NAALADL2: variants seen among roughly 807,000 people sequenced by gnomAD.
NAALADL2 encodes the protein inactive N-acetylated-alpha-linked acidic dipeptidase-like protein 2.
In NAALADL2, 76 loss-of-function variants were observed where a neutral mutation model predicts 87.2. The ratio of observed to expected loss-of-function variants is 0.87; its 90% CI spans 0.72 to 1.05. The LOEUF (loss-of-function observed/expected upper bound fraction) is 1.05. NAALADL2 is among the 50% of genes least tolerant of loss of function. NAALADL2 has a pLI of 0.00. For synonymous variants in NAALADL2, 354 were observed against 331.0 expected, an observed-to-expected ratio of 1.07 and a Z score of -0.75; for missense variants, 1,089 against 945.8, an observed-to-expected ratio of 1.15 and a Z score of -1.99.
chr3:175,098,125 T>C (rs910973090), intron 2 of NAALADL2, among the ~76,000 whole-genome samples: 1 of 152,144 alleles, frequency 6.6e-6, no homozygotes, highest in African/African-American at 2.4e-5. Context: ...TCCTGAAGAT[T>C]AGGCCTCAGT....
chr3:174,737,465 T>G (rs1356543500), intron 2 of NAALADL2, among the ~76,000 whole-genome samples: 1 of 152,322 alleles, frequency 6.6e-6, no homozygotes, highest in East Asian at 1.9e-4. Flanking sequence ...GCTTTAAAAA[T>G]AAAAAGTCTA....
chr3:174,613,045 A>G (rs1483046965), intron 2 of NAALADL2, among the ~76,000 whole-genome samples: 4 of 152,234 alleles, frequency 2.6e-5, no homozygotes, highest in Non-Finnish European at 5.9e-5. Flanking sequence ...AGACTTATAC[A>G]GATATACCTT....
At chr3:175,706,561 G>T (rs563272498) in intron 11 of NAALADL2, among the ~76,000 whole-genome samples, 2 of 152,256 alleles carry the variant, frequency 1.3e-5, no homozygotes, top group Admixed American at 1.3e-4. Flanking sequence ...TATTGTAGAA[G>T]ATAAAACTGC....
chr3:174,645,082 A>G (rs1373115875), intron 2 of NAALADL2, among the ~76,000 whole-genome samples: 3 of 152,030 alleles, frequency 2.0e-5, no homozygotes, highest in Non-Finnish European at 4.4e-5. Flanking sequence ...GCCCTTGGCC[A>G]TTTCCTGATT....
intron 2 of NAALADL2, among the ~76,000 whole-genome samples, chr3:175,211,540 C>T (rs995362431): frequency 4.6e-5 from 7 of 151,866 alleles, no homozygotes; most frequent in Admixed American, 2.6e-4. Context: ...ACATATTTTA[C>T]TTATAACAAA....
At chr3:174,840,399 G>T (rs890815576) in intron 3 of NAALADL2, among the ~76,000 whole-genome samples, 2 of 152,014 alleles carry the variant, frequency 1.3e-5, no homozygotes, top group Non-Finnish European at 2.9e-5. Context: ...GGAAGATAGG[G>T]TCATGTTTGC....
chr3:174,938,888 T>A (rs1200282321), intron 1 of NAALADL2, among the ~76,000 whole-genome samples: 2 of 152,144 alleles, frequency 1.3e-5, no homozygotes, highest in Non-Finnish European at 2.9e-5. Context: ...CTCTTGTAAA[T>A]TTGTTTAAGT....
chr3:175,313,991 G>A (rs931575334), intron 4 of NAALADL2, among the ~76,000 whole-genome samples: 10 of 151,366 alleles, frequency 6.6e-5, no homozygotes, highest in Non-Finnish European at 1.5e-5. Flanking sequence ...GAACCCGGGA[G>A]GCGGAGGCTG....
At chr3:174,809,949 C>A (rs1276141629) in intron 3 of NAALADL2, among the ~76,000 whole-genome samples, 2 of 152,034 alleles carry the variant, frequency 1.3e-5, no homozygotes, top group Non-Finnish European at 2.9e-5. Flanking sequence ...AAGTGTGTGG[C>A]ACCTCCCCCC....
intron 3 of NAALADL2, among the ~76,000 whole-genome samples, chr3:174,806,385 A>G (rs990871773): frequency 6.6e-6 from 1 of 152,140 alleles, no homozygotes; most frequent in Non-Finnish European, 1.5e-5. Flanking sequence ...TTTCTTTGTA[A>G]GTCGGTCAAT....
intron 1 of NAALADL2, among the ~76,000 whole-genome samples, chr3:175,030,756 T>A (rs115957751): frequency 0.017 from 2,606 of 152,190 alleles, 38 homozygotes; most frequent in South Asian, 0.03. Flanking sequence ...TAAGGAAGAA[T>A]AAAATTGCAG....
chr3:175,597,475 A>G (rs78928644), intron 10 of NAALADL2, among the ~76,000 whole-genome samples: 1,995 of 152,096 alleles, frequency 0.013, 34 homozygotes, highest in African/African-American at 0.044. Flanking sequence ...ACTGGATTGT[A>G]ACCTTTTATA....
chr3:174,574,149 T>C (rs1443490939), intron 2 of NAALADL2, among the ~76,000 whole-genome samples: 1 of 152,202 alleles, frequency 6.6e-6, no homozygotes, highest in Non-Finnish European at 1.5e-5. Context: ...ATCTTCAAAC[T>C]AATTTGGGTC....
rs1311382018 is a variant in NAALADL2 at position 175,667,139 on chromosome 3, GAA to G, written c.1896+39755_1896+39756del. 3.6e-4 allele frequency among the ~76,000 whole-genome samples: 51 copies of G among 141,320 alleles called. 1 individual carries two copies. The East Asian group carries it at 5.8e-3, about 16-fold the overall frequency. The allele number at this position is 141,320 out of a possible 152,430, so 92.7% of individuals were successfully genotyped here. A position where few individuals can be genotyped will look rare whatever the true frequency, so the allele number is the denominator to read the frequency against. ...AGAGAGAGAGAGAAAAAGAAAGAAA[GAA>G]AGAGAGAGAGAGAGAAAGAAAAAGA... On this transcript the variant is annotated intron_variant, in intron 11 of 13. Transcript: ENST00000454872.
chr3:175,407,801 C>T (rs1043901191), intron 5 of NAALADL2, among the ~76,000 whole-genome samples: 9 of 152,120 alleles, frequency 5.9e-5, no homozygotes, highest in African/African-American at 2.2e-4. Flanking sequence ...TATAGTGAAC[C>T]TCTAATTGAT....
chr3:175,159,575 G>A (rs953623151), intron 2 of NAALADL2, among the ~76,000 whole-genome samples: 3 of 152,018 alleles, frequency 2.0e-5, no homozygotes, highest in African/African-American at 7.2e-5. Context: ...TCCAATTTAT[G>A]CAGTGCATCT....
intron 2 of NAALADL2, among the ~76,000 whole-genome samples, chr3:174,601,463 A>G (rs1718452459): frequency 6.6e-6 from 1 of 152,050 alleles, no homozygotes; most frequent in Non-Finnish European, 1.5e-5. Context: ...ATCTATTCAG[A>G]TCTTTTGCCC....
intron 2 of NAALADL2, among the ~76,000 whole-genome samples, chr3:175,153,861 G>A (rs1449995184): frequency 6.6e-6 from 1 of 152,196 alleles, no homozygotes; most frequent in Non-Finnish European, 1.5e-5. Flanking sequence ...CTTTCAAAGA[G>A]TGAGACTGTC....
intron 2 of NAALADL2, among the ~76,000 whole-genome samples, chr3:174,716,070 A>T (rs1033793518): frequency 4.5e-4 from 69 of 152,156 alleles, no homozygotes; most frequent in African/African-American, 1.4e-3. Context: ...GACATTTTCT[A>T]CTTTTATTCT....
Sources: gnomAD v4.1 joint callset for allele counts (sites outside exome capture counted in the v4.1 genomes callset) on GRCh38, gnomAD v4.1.1 for gene constraint, MANE v1.5 for transcripts, NCBI Gene and HGNC (gene_info 2026-07-23, HGNC 2026-07-21) for gene names.